Variants in NBEAL1 observed in about 807,000 individuals in gnomAD.
NBEAL1 encodes the protein neurobeachin-like protein 1.
In NBEAL1, 273 loss-of-function variants were observed where a neutral mutation model predicts 351.3. The ratio of observed to expected loss-of-function variants is 0.78; its 90% CI spans 0.70 to 0.86. The LOEUF is 0.86. NBEAL1 is among the 40% of genes least tolerant of loss of function. The pLI, the probability that NBEAL1 is intolerant of heterozygous loss-of-function variation, is 0.00. For missense variants in NBEAL1, 2,961 were observed against 3,201.3 expected (o/e 0.92, Z 1.81); for synonymous variants, 1,050 against 1,086.4 (o/e 0.97, Z 0.66).
intron 47 of NBEAL1, 29 bp downstream of exon 47, chr2:203,193,940 G>T: frequency 1.6e-6 from 2 of 1,259,808 alleles, no homozygotes; most frequent in Non-Finnish European, 2.3e-6. Flanking sequence ...ATATCAAAAA[G>T]AGTTTTCTCT....
intron 12 of NBEAL1, among the ~76,000 whole-genome samples, chr2:203,105,847 A>T (rs1383417320): frequency 3.3e-5 from 5 of 152,212 alleles, no homozygotes; most frequent in Non-Finnish European, 7.3e-5. Context: ...TGTTGGAAGG[A>T]TACTTTTAAG....
At chr2:203,020,947 G>T (rs888582194) in intron 2 of NBEAL1, among the ~76,000 whole-genome samples, 1 of 152,118 alleles carries the variant, frequency 6.6e-6, no homozygotes, top group Admixed American at 6.6e-5. Context: ...TGGAGACGGA[G>T]TCTCACTCTG....
chr2:203,108,256 G>GTTTTCCTGTTTAA, intron 14 of NBEAL1, 68 bp downstream of exon 14: 1 of 1,238,358 alleles, frequency 8.1e-7, no homozygotes, highest in Non-Finnish European at 1.1e-6. Flanking sequence ...TTCTTAAACA[G>GTTTTCCTGTTTAA]GAAAACTGTT....
chr2:203,204,590 G>A (rs917608447), intron 51 of NBEAL1, among the ~76,000 whole-genome samples: 1 of 151,852 alleles, frequency 6.6e-6, no homozygotes, highest in Admixed American at 6.6e-5. Context: ...TGCCCACCTT[G>A]GCCTCCCAAT....
chr2:203,062,372 A>C lies in NBEAL1; in HGVS notation c.515+4919A>C, dbSNP rs559045618. The C allele has an allele frequency of 2.1e-6, 1 of 474,076 alleles. No individual in the cohort carries two copies. The allele number at this position is 474,076 out of a possible 1,614,324, so 29.4% of individuals were successfully genotyped here. ...CGCCCACTCCTGAGGGGTGAAGGTT[A>C]CAGCCACATCCTCAAAAGTCACTGA... On this transcript the variant is annotated intron_variant, in intron 6 of 55. Coordinates refer to ENST00000683969, the MANE Select transcript of NBEAL1 (RefSeq NM_001378026.1). The surrounding 1 kb of genome is among the most constrained non-coding windows in gnomAD (Gnocchi z 4.2).
intron 34 of NBEAL1, among the ~76,000 whole-genome samples, chr2:203,149,932 G>A (rs7596118): frequency 0.91 from 138,452 of 152,206 alleles, 63,476 homozygotes; most frequent in Non-Finnish European, 0.96. Flanking sequence ...TCCCTTATAA[G>A]GATATATCCC....
intron 7 of NBEAL1, among the ~76,000 whole-genome samples, chr2:203,074,317 CTTTTTT>C (rs56217945): frequency 3.1e-5 from 3 of 98,298 alleles, no homozygotes; most frequent in African/African-American, 7.9e-5. Flanking sequence ...TTTCTTTCTT[CTTTTTT>C]TTTTTTTTTT....
At chr2:203,138,533 G>T in intron 30 of NBEAL1, 87 bp from the exon 31 acceptor site, 1 of 1,325,090 alleles carries the variant, frequency 7.5e-7, no homozygotes. Context: ...AAATATTTGT[G>T]GTTTGTATTA....
chr2:203,043,679 T>A (rs1162837990), intron 3 of NBEAL1, among the ~76,000 whole-genome samples: 2 of 149,476 alleles, frequency 1.3e-5, no homozygotes, highest in East Asian at 3.9e-4. Flanking sequence ...TAGTGTGCTG[T>A]GATCGTGCCA....
chr2:203,109,079 G>A (rs749117529), intron 14 of NBEAL1, among the ~76,000 whole-genome samples: 8 of 152,076 alleles, frequency 5.3e-5, no homozygotes, highest in African/African-American at 9.7e-5. Flanking sequence ...AATAATGGCC[G>A]GGTGTGGTGG....
At position 203,140,395 on chromosome 2, in the gene NBEAL1, C is replaced by T. The variant is rs1161596995; in HGVS notation, c.4848+1647C>T. Among the ~76,000 whole-genome samples, 4 of 151,338 alleles carry T rather than the reference C, an allele frequency of 2.6e-5. 1 individual carries two copies. The East Asian group carries it at 7.7e-4, about 29-fold the overall frequency. ...GAAAATAACTATTAGCATTTTAGTACGTTACTTCTTTCTTGTTCTATGAAT... is the reference window on the plus strand; with the variant it reads ...GAAAATAACTATTAGCATTTTAGTATGTTACTTCTTTCTTGTTCTATGAAT... On this transcript the variant is annotated intron_variant, in intron 31 of 55. Transcript: ENST00000683969.
At chr2:203,075,660 C>T (rs2061758704) in intron 7 of NBEAL1, among the ~76,000 whole-genome samples, 1 of 152,206 alleles carries the variant, frequency 6.6e-6, no homozygotes, top group South Asian at 2.1e-4. Context: ...GTTGCCTGGG[C>T]CTCTCTGAAC....
In NBEAL1 at chr2:203,171,865, C is replaced by T. The variant is rs968534019; in HGVS notation, c.6103-63C>T. The T allele has an allele frequency of 2.0e-5, 16 of 794,214 alleles. No homozygotes were observed. In the African/African-American group the frequency reaches 2.7e-4, roughly 13 times the overall value. The allele number at this position is 794,214 out of a possible 1,614,324, so 49.2% of individuals were successfully genotyped here. On this transcript the variant is annotated intron_variant, in intron 39 of 55. Transcript: ENST00000683969. ...CCATTCTTGGTACTGTCAGTAATAG[C>T]TACCAATGTCTAAGAGATGTAGATT...
rs1241553482 is a variant in NBEAL1, at chr2:203,219,441, G to A, written c.*2087G>A. The A allele has an allele frequency of 1.3e-5, 2 of 151,940 alleles. No individual in the cohort carries two copies. The highest frequency in any genetic ancestry group is 2.9e-5 in the Non-Finnish European group (2 of 68,010). The allele number at this position is 151,940 out of a possible 1,614,324, so 9.4% of individuals were successfully genotyped here. On this transcript the variant is annotated 3_prime_UTR_variant, in exon 56 of 56. Transcript: ENST00000683969. ...GCTTTTTAGATGGAAGAAATAAGCAGTTTTTACTTTATAGTACAAATAAGT... is the reference window on the plus strand; with the variant it reads ...GCTTTTTAGATGGAAGAAATAAGCAATTTTTACTTTATAGTACAAATAAGT...
chr2:203,220,626 T>C lies in NBEAL1; in HGVS notation c.*3272T>C, dbSNP rs2065944032. Reference sequence around the variant, plus strand: ...AGATAATTATTTTACTTTTGGAAAATGAGATCAAGTATTAAAACATGTAAT... The same window carrying C: ...AGATAATTATTTTACTTTTGGAAAACGAGATCAAGTATTAAAACATGTAAT... On this transcript the variant is annotated 3_prime_UTR_variant, in exon 56 of 56. Coordinates refer to ENST00000683969, the MANE Select transcript of NBEAL1 (RefSeq NM_001378026.1). Among the ~76,000 whole-genome samples the C allele has an allele frequency of 6.6e-6, 1 of 152,172 alleles. No individual in the cohort carries two copies. Among genetic ancestry groups the C allele is most frequent in the African/African-American group, 2.4e-5 (1 of 41,454 alleles).
chr2:203,054,715 C>A (rs938803585), intron 4 of NBEAL1, among the ~76,000 whole-genome samples: 2 of 152,102 alleles, frequency 1.3e-5, no homozygotes, highest in African/African-American at 4.8e-5. Context: ...TTTGAAAAAT[C>A]ATAGAGATAC....
Position 203,221,406 on chromosome 2 carries a change from T to C in NBEAL1, c.*4052T>C, listed in dbSNP as rs2065952390. Among the ~76,000 whole-genome samples, 1 of 151,648 alleles carries C rather than the reference T, an allele frequency of 6.6e-6. No individual in the cohort carries two copies. Among genetic ancestry groups the C allele is most frequent in the Non-Finnish European group, 1.5e-5 (1 of 67,894 alleles). On this transcript the variant is annotated 3_prime_UTR_variant, in exon 56 of 56. Coordinates refer to ENST00000683969, the MANE Select transcript of NBEAL1 (RefSeq NM_001378026.1). ...AAATAATATATGTAATATGGGTGTCTGTTGGGGTTATGTGTGTGTAAAGAT... is the reference window on the plus strand; with the variant it reads ...AAATAATATATGTAATATGGGTGTCCGTTGGGGTTATGTGTGTGTAAAGAT...
chr2:203,049,714 C>A, intron 3 of NBEAL1, 100 bp from the exon 4 acceptor site: 3 of 1,009,344 alleles, frequency 3.0e-6, no homozygotes, highest in Non-Finnish European at 4.2e-6. Flanking sequence ...AATAAAAGAG[C>A]TTCTTTAGGA....
intron 19 of NBEAL1, among the ~76,000 whole-genome samples, chr2:203,123,044 A>G (rs75251132): frequency 1.3e-5 from 2 of 152,012 alleles, no homozygotes; most frequent in Non-Finnish European, 2.9e-5. Context: ...ACCTAAGTTA[A>G]ATAAAAGAAA....
Sources: allele counts gnomAD v4.1 joint callset (sites outside exome capture counted in the v4.1 genomes callset), GRCh38; gene constraint gnomAD v4.1.1; non-coding constraint Gnocchi (gnomAD v3.1); transcripts MANE v1.5; gene names NCBI Gene and HGNC (gene_info 2026-07-23, HGNC 2026-07-21).